The following KDM5B variants were observed in gnomAD, a reference collection of about 807,000 sequenced individuals.
KDM5B encodes lysine-specific demethylase 5B.
In KDM5B, 144 loss-of-function variants were observed where a neutral mutation model predicts 193.4. The ratio of observed to expected loss-of-function variants is 0.74; its 90% CI spans 0.65 to 0.86. KDM5B has a LOEUF of 0.86. Ranked by LOEUF, KDM5B falls within the 40% of genes least tolerant of loss-of-function variation. The pLI is 0.00. For missense variants in KDM5B, 1,833 were observed against 1,886.9 expected, an observed-to-expected ratio of 0.97 and a Z score of 0.53; for synonymous variants, 668 against 682.6, an observed-to-expected ratio of 0.98 and a Z score of 0.33.
intron 1 of KDM5B, among the ~76,000 whole-genome samples, chr1:202,777,778 T>C (rs1042650691): frequency 3.3e-5 from 5 of 152,120 alleles, no homozygotes; most frequent in Non-Finnish European, 7.4e-5. Context: ...AGATTACAAG[T>C]GTGAGCCACT....
intron 20 of KDM5B, among the ~76,000 whole-genome samples, chr1:202,737,889 G>C (rs901455803): frequency 1.3e-5 from 2 of 152,156 alleles, no homozygotes; most frequent in African/African-American, 4.8e-5. Context: ...GGGAAGACTG[G>C]GTAGGTTGAT....
At chr1:202,756,611 G>A (rs1362385347) in intron 9 of KDM5B, 95 bp from the exon 10 acceptor site, 2 of 906,818 alleles carry the variant, frequency 2.2e-6, no homozygotes, top group East Asian at 2.8e-5. Flanking sequence ...GCATCCTAAG[G>A]AAAAATTGTG....
intron 1 of KDM5B, among the ~76,000 whole-genome samples, chr1:202,787,662 C>G (rs372748037): frequency 1.3e-5 from 2 of 151,608 alleles, no homozygotes; most frequent in South Asian, 4.2e-4. Context: ...CCAAGGCAGG[C>G]GGATCACGAG....
Position 202,746,260 on chromosome 1 carries a change from T to A in KDM5B, c.2080A>T (p.Lys694Ter). Residue 694 changes from lysine to a stop codon, truncating the protein, a stop_gained, in exon 15 of 27, where the codon AAA becomes TAA. Coordinates refer to ENST00000367265, the MANE Select transcript of KDM5B (RefSeq NM_006618.5). LOFTEE classifies it high-confidence loss of function. ...GACATGAAGCATGTAGTTTTGCATT[T>A]TACACACTGACGTTCATCATCTGGC... ...LLPDDERQCV[K>*]CKTTCFMSAI... 1 of 1,613,634 alleles carries A rather than the reference T, an allele frequency of 6.2e-7. No individual in the cohort carries two copies. The highest frequency in any genetic ancestry group is 2.2e-5 in the East Asian group (1 of 44,864).
In KDM5B at chr1:202,733,433, C is replaced by T; in HGVS notation, c.3877G>A (p.Ala1293Thr). 1 of 1,613,652 alleles carries T rather than the reference C, an allele frequency of 6.2e-7. No homozygotes were observed. Among genetic ancestry groups the T allele is most frequent in the Non-Finnish European group, 8.5e-7 (1 of 1,179,544 alleles). ...GTGTCTGACACCTGTCCTGCTGAGG[C>T]TTGCCATCTGCTATATAACAGTCCT... ...GSGLLYSRWQ[A>T]SAGQVSDTNK... is the part of the protein sequence containing the mutation. Residue 1293 changes from alanine (A) to threonine (T), a missense_variant, in exon 23 of 27, where the codon GCC becomes ACC. By Grantham distance (58) the Ala-to-Thr change is moderately conservative. Transcript: ENST00000367265.
At chr1:202,807,672 C>A (rs2102360217) in intron 1 of KDM5B, among the ~76,000 whole-genome samples, 1 of 148,260 alleles carries the variant, frequency 6.7e-6, no homozygotes, top group East Asian at 2.1e-4. Context: ...CATCACACAC[C>A]CCCGCACCCC....
At position 202,725,377 on chromosome 1, in the gene KDM5B, A is replaced by C. The variant is rs1464434113; in HGVS notation, c.*3659T>G. The C allele has an allele frequency of 6.6e-6, 1 of 152,202 alleles. No individual in the cohort carries two copies. Among genetic ancestry groups the C allele is most frequent in the Non-Finnish European group, 1.5e-5 (1 of 68,048 alleles). 9.4% of individuals were successfully genotyped at this position (152,202 alleles called of 1,614,324 possible). ...TTTATACAAATTCCTACTTTATACA[A>C]TTTTTTGTTTAGGCAGCTTTTCAGT... On this transcript the variant is annotated 3_prime_UTR_variant, in exon 27 of 27. Transcript: ENST00000367265.
At chr1:202,788,936 T>G (rs989306334) in intron 1 of KDM5B, among the ~76,000 whole-genome samples, 2 of 152,136 alleles carry the variant, frequency 1.3e-5, no homozygotes, top group Non-Finnish European at 2.9e-5. Context: ...ATGATCTGTC[T>G]GTCAGGGGGA....
rs914981396 is a variant in KDM5B, at chr1:202,724,608, C to A, written c.*4428G>T. 1 of 152,136 alleles carries A rather than the reference C, an allele frequency of 6.6e-6. No individual in the cohort carries two copies. The highest frequency in any genetic ancestry group is 2.4e-5 in the African/African-American group (1 of 41,418). 9.4% of individuals were successfully genotyped at this position (152,136 alleles called of 1,614,324 possible). A position where few individuals can be genotyped will look rare whatever the true frequency, so the allele number is the denominator to read the frequency against. ...CCCTCATCCCCAAACTAATTTTTCT[C>A]AATTTTAGTGTTTATTAAATGGATA... On this transcript the variant is annotated 3_prime_UTR_variant, in exon 27 of 27. Coordinates refer to ENST00000367265, the MANE Select transcript of KDM5B (RefSeq NM_006618.5).
At chr1:202,763,891 AT>A (rs1656345335) in intron 6 of KDM5B, among the ~76,000 whole-genome samples, 157 bp downstream of exon 6, 1 of 152,158 alleles carries the variant, frequency 6.6e-6, no homozygotes, top group Non-Finnish European at 1.5e-5. Flanking sequence ...ATATATTAAG[AT>A]TTTCTCAAAG....
intron 22 of KDM5B, 107 bp downstream of exon 22, chr1:202,735,322 G>A (rs912313043): frequency 3.5e-5 from 41 of 1,181,132 alleles, no homozygotes; most frequent in African/African-American, 6.2e-5. Context: ...AAAACTGAAC[G>A]CTTTCAAGTT....
At chr1:202,778,469 T>C (rs1572758216) in intron 1 of KDM5B, among the ~76,000 whole-genome samples, 1 of 152,188 alleles carries the variant, frequency 6.6e-6, no homozygotes, top group Non-Finnish European at 1.5e-5. Context: ...TGTACAGCAA[T>C]GTAAATGTAC....
At chr1:202,771,992 T>C (rs1572750055) in intron 4 of KDM5B, among the ~76,000 whole-genome samples, 1 of 152,136 alleles carries the variant, frequency 6.6e-6, no homozygotes, top group African/African-American at 2.4e-5. Context: ...GGCTAAAAAG[T>C]GTTCACCTGG....
At chr1:202,786,425 A>G (rs1411975273) in intron 1 of KDM5B, among the ~76,000 whole-genome samples, 1 of 152,172 alleles carries the variant, frequency 6.6e-6, no homozygotes, top group Non-Finnish European at 1.5e-5. Flanking sequence ...CTGAGAGTAG[A>G]TCTGCTGGGA....
intron 3 of KDM5B, among the ~76,000 whole-genome samples, chr1:202,774,175 C>CA (rs1255581899): frequency 8.5e-5 from 13 of 152,204 alleles, no homozygotes; most frequent in African/African-American, 2.4e-4. Flanking sequence ...CACAAGGCTT[C>CA]AAGACCTGAT....
chr1:202,753,479 G>C (rs370112076), intron 11 of KDM5B, among the ~76,000 whole-genome samples: 3 of 151,980 alleles, frequency 2.0e-5, no homozygotes, highest in African/African-American at 7.2e-5. Flanking sequence ...TGGGTGACAA[G>C]AGCAAGACTC....
At chr1:202,744,707 A>C (rs187902190) in intron 16 of KDM5B, among the ~76,000 whole-genome samples, 121 of 152,356 alleles carry the variant, frequency 7.9e-4, no homozygotes, top group Non-Finnish European at 1.6e-3. Flanking sequence ...TAGAAGTGTA[A>C]ATTAGTTCAA....
At chr1:202,781,407 G>A (rs1438445910) in intron 1 of KDM5B, among the ~76,000 whole-genome samples, 3 of 152,218 alleles carry the variant, frequency 2.0e-5, no homozygotes, top group African/African-American at 7.2e-5. Flanking sequence ...AAAAGCAAAG[G>A]TAATTATCGG....
At position 202,746,271 on chromosome 1, in the gene KDM5B, C is replaced by G; in HGVS notation, c.2069G>C (p.Arg690Pro). 6.2e-7 allele frequency: 1 copy of G among 1,613,354 alleles called. No individual in the cohort carries two copies. Among genetic ancestry groups the G allele is most frequent in the Non-Finnish European group, 8.5e-7 (1 of 1,179,660 alleles). The change falls in exon 15 of 27, where the codon CGT becomes CCT. Residue 690 changes from arginine (R) to proline (P), a missense_variant. By Grantham distance (103) the Arg-to-Pro change is moderately radical. Transcript: ENST00000367265. ...TGTAGTTTTGCATTTTACACACTGA[C>G]GTTCATCATCTGGCAACAGCTCAAA... ...MDFELLPDDERQCVKCKTTCF... is the reference protein window; with the variant it reads ...MDFELLPDDEPQCVKCKTTCF...
Sources: allele counts gnomAD v4.1 joint callset (sites outside exome capture counted in the v4.1 genomes callset), GRCh38; gene constraint gnomAD v4.1.1; transcripts MANE v1.5; gene names NCBI Gene and HGNC (gene_info 2026-07-23, HGNC 2026-07-21).